ZNF140: variants seen among roughly 807,000 people sequenced by gnomAD.
ZNF140 encodes zinc finger protein 140, also known as zinc finger protein 140 (clone pHZ-39).
Under a neutral mutation model 12.9 loss-of-function variants are expected in ZNF140, and 13 were observed. The ratio of observed to expected loss-of-function variants is 1.01; its 90% confidence interval spans 0.66 to 1.60. The LOEUF is 1.60. Ranked by LOEUF, ZNF140 falls within the 40% of genes most tolerant of loss-of-function variation. The probability of loss-of-function intolerance (pLI) is 0.00; values close to 1 mark genes in which losing one functional copy is unlikely to be tolerated. For synonymous variants in ZNF140, 214 were observed against 186.7 expected (o/e 1.15, Z -1.19); for missense variants, 531 against 548.8 (o/e 0.97, Z 0.32).
intron 4 of ZNF140, among the ~76,000 whole-genome samples, chr12:133,104,690 T>A (rs1955517281): frequency 6.6e-6 from 1 of 152,216 alleles, no homozygotes; most frequent in African/African-American, 2.4e-5. Context: ...CTTCATATTA[T>A]TTCAAAATTC....
At chr12:133,103,006 G>A (rs1233469634) in intron 4 of ZNF140, among the ~76,000 whole-genome samples, 1 of 152,074 alleles carries the variant, frequency 6.6e-6, no homozygotes, top group African/African-American at 2.4e-5. Context: ...CTAAATCTGT[G>A]CAATTAACCC....
intron 4 of ZNF140, among the ~76,000 whole-genome samples, chr12:133,103,741 T>C (rs2137579564): frequency 6.6e-6 from 1 of 152,318 alleles, no homozygotes; most frequent in South Asian, 2.1e-4. Context: ...ATGAACTTGC[T>C]CTTGTGTCTT....
intron 4 of ZNF140, among the ~76,000 whole-genome samples, chr12:133,086,280 T>G (rs1053599926): frequency 3.3e-5 from 5 of 152,220 alleles, no homozygotes; most frequent in African/African-American, 1.2e-4. Flanking sequence ...GCCAAAATGT[T>G]TTCCAAAGAC....
intron 4 of ZNF140, among the ~76,000 whole-genome samples, chr12:133,104,611 A>C (rs1955510193): frequency 6.6e-6 from 1 of 152,162 alleles, no homozygotes; most frequent in Non-Finnish European, 1.5e-5. Context: ...TTGGCCTCCC[A>C]AAGTGCTGAG....
intron 4 of ZNF140, chr12:133,093,471 G>T (rs768601948): frequency 1.4e-6 from 1 of 699,356 alleles, no homozygotes; most frequent in Non-Finnish European, 2.6e-6. Flanking sequence ...CGACGGCTCC[G>T]CTTTCTTGGT....
chr12:133,082,803 T>A, intron 2 of ZNF140: 1 of 237,682 alleles, frequency 4.2e-6, no homozygotes, highest in Non-Finnish European at 8.4e-6. Flanking sequence ...CTGTAAAATC[T>A]TAAGAATTTT....
upstream of ZNF140, chr12:133,080,741 C>G (rs941285636): frequency 2.0e-4 from 31 of 152,404 alleles, no homozygotes; most frequent in African/African-American, 6.5e-4. Flanking sequence ...GTTCTGGGCA[C>G]GGCAGCGAGG....
Position 133,106,877 on chromosome 12 carries a change from A to G in ZNF140, c.*226A>G. On this transcript the variant is annotated 3_prime_UTR_variant, in exon 5 of 5. Transcript: ENST00000355557. Reference sequence around the variant, plus strand: ...TTTTTGCAATAACAAGGTGAAATCAATATTGTTGAGAAGATTCTTCCATCT... The same window carrying G: ...TTTTTGCAATAACAAGGTGAAATCAGTATTGTTGAGAAGATTCTTCCATCT... 2 of 378,998 alleles carry G rather than the reference A, an allele frequency of 5.3e-6. No homozygotes were observed. The highest frequency in any genetic ancestry group is 5.3e-5 in the South Asian group (1 of 18,958). 23.5% of individuals were successfully genotyped at this position (378,998 alleles called of 1,614,324 possible). A position where few individuals can be genotyped will look rare whatever the true frequency, so the allele number is the denominator to read the frequency against.
chr12:133,102,994 C>A (rs1566321176), intron 4 of ZNF140, among the ~76,000 whole-genome samples: 2 of 152,128 alleles, frequency 1.3e-5, no homozygotes, highest in African/African-American at 2.4e-5. Context: ...ATGGCAAATA[C>A]ACTAAATCTG....
intron 4 of ZNF140, among the ~76,000 whole-genome samples, chr12:133,087,819 A>G (rs1017292505): frequency 3.9e-5 from 6 of 152,126 alleles, no homozygotes; most frequent in Non-Finnish European, 8.8e-5. Context: ...GTATATTTAT[A>G]TCTCTTTATC....
rs112973087 is a variant in ZNF140 at position 133,106,435 on chromosome 12, G to A, written c.1158G>A (p.Ala386=). The change falls in exon 5 of 5, where the codon GCG becomes GCA. Residue 386 remains alanine, a synonymous_variant. Transcript: ENST00000355557. ...TKSHTGEKPY[A]CAECDKAFSR... ...GTCACACTGGAGAGAAACCCTATGC[G>A]TGTGCTGAATGTGATAAAGCCTTCA... The A allele has an allele frequency of 1.4e-5, 23 of 1,613,944 alleles. No individual in the cohort carries two copies. The highest frequency in any genetic ancestry group is 6.7e-5 in the East Asian group (3 of 44,844).
intron 4 of ZNF140, among the ~76,000 whole-genome samples, chr12:133,097,016 A>G (rs1955153687): frequency 6.6e-6 from 1 of 152,184 alleles, no homozygotes; most frequent in African/African-American, 2.4e-5. Context: ...GGCTCTGCCT[A>G]ATGTATTTTG....
At chr12:133,101,506 G>A (rs77206241) in intron 4 of ZNF140, among the ~76,000 whole-genome samples, 31 of 152,182 alleles carry the variant, frequency 2.0e-4, no homozygotes, top group East Asian at 1.5e-3. Context: ...GTGCAGTGGC[G>A]CGATCTCAGC....
intron 4 of ZNF140, 91 bp downstream of exon 4, chr12:133,083,652 A>G: frequency 7.7e-7 from 1 of 1,290,456 alleles, no homozygotes; most frequent in Non-Finnish European, 1.1e-6. Flanking sequence ...TGATTGGAAA[A>G]TTTTCCCTTA....
In ZNF140 at chr12:133,083,230, GT is replaced by G; in HGVS notation, c.136+2del. The G allele has an allele frequency of 6.2e-7, 1 of 1,609,218 alleles. No homozygotes were observed. The highest frequency in any genetic ancestry group is 8.5e-7 in the Non-Finnish European group (1 of 1,176,288). On this transcript the variant is annotated splice_donor_variant, in intron 3 of 4. Transcript: ENST00000355557. LOFTEE classifies it high-confidence loss of function. ...AACTATGGCCATCTGGTCTCACTGGGTAAGTATTCTTCTTCATCTCCCTCAA... is the reference window on the plus strand; with the variant it reads ...AACTATGGCCATCTGGTCTCACTGGGAAGTATTCTTCTTCATCTCCCTCAA...
In ZNF140 at chr12:133,106,182, A is replaced by G; in HGVS notation, c.905A>G (p.Glu302Gly). 1 of 1,614,100 alleles carries G rather than the reference A, an allele frequency of 6.2e-7. No individual in the cohort carries two copies. The change falls in exon 5 of 5, where the codon GAA becomes GGA. Residue 302 changes from glutamate (E) to glycine (G), a missense_variant. Transcript: ENST00000355557. The stretch of plus-strand genomic sequence containing the variant: ...ACACATACTGGAGAGAAACCTTATG[A>G]ATGCATTGAATGTGGGAAGGCATTT... ...QITHTGEKPYECIECGKAFRR... is the reference protein window; with the variant it reads ...QITHTGEKPYGCIECGKAFRR...
intron 4 of ZNF140, among the ~76,000 whole-genome samples, chr12:133,089,944 G>T (rs1212569986): frequency 2.0e-5 from 3 of 151,682 alleles, no homozygotes; most frequent in Admixed American, 2.0e-4. Flanking sequence ...CTGCCTCCCG[G>T]GTTCAAGCGA....
chr12:133,091,016 T>C (rs1014327527), intron 4 of ZNF140, among the ~76,000 whole-genome samples: 8 of 148,942 alleles, frequency 5.4e-5, no homozygotes, highest in South Asian at 2.1e-4. Context: ...ACCGAGACAT[T>C]CAGTTCCCAG....
In ZNF140 at chr12:133,106,512, C is replaced by T. The variant is rs777125253; in HGVS notation, c.1235C>T (p.Pro412Leu). Residue 412 changes from proline (P) to leucine (L), a missense_variant, in exon 5 of 5, where the codon CCC becomes CTC. Pro to Leu is a moderately conservative substitution (Grantham distance 98). Coordinates refer to ENST00000355557, the MANE Select transcript of ZNF140 (RefSeq NM_003440.4). The stretch of plus-strand genomic sequence containing the variant: ...CAGAGAACTCATACTGGAGAGAAAC[C>T]CTATGTATGTAAGGTATGCAACAAA... ...LHQRTHTGEK[P>L]YVCKVCNKSF... 1 of 1,613,890 alleles carries T rather than the reference C, an allele frequency of 6.2e-7. No homozygotes were observed. The highest frequency in any genetic ancestry group is 8.5e-7 in the Non-Finnish European group (1 of 1,180,004).
Sources: allele counts gnomAD v4.1 joint callset (sites outside exome capture counted in the v4.1 genomes callset), GRCh38; gene constraint gnomAD v4.1.1; transcripts MANE v1.5; gene names NCBI Gene and HGNC (gene_info 2026-07-23, HGNC 2026-07-21).